The following SNTG1 variants were observed in gnomAD, a reference collection of about 807,000 sequenced individuals.
The protein encoded by SNTG1 is syntrophin gamma 1, also known as gamma-1-syntrophin.
A neutral mutation model predicts 74.7 loss-of-function variants in SNTG1; 39 were observed. The ratio of observed to expected loss-of-function variants is 0.52; its 90% CI spans 0.40 to 0.68. The LOEUF is 0.68. Ranked by LOEUF, SNTG1 falls within the 30% of genes least tolerant of loss-of-function variation. The pLI, the probability that SNTG1 is intolerant of heterozygous loss-of-function variation, is 0.00. For synonymous variants in SNTG1, 254 were observed against 217.1 expected (o/e 1.17, Z -1.49); for missense variants, 685 against 609.5 (o/e 1.12, Z -1.30).
At chr8:50,508,847 A>C (rs1217633745) in intron 9 of SNTG1, among the ~76,000 whole-genome samples, 17 of 150,748 alleles carry the variant, frequency 1.1e-4, no homozygotes, top group Non-Finnish European at 1.5e-5. Flanking sequence ...TAGATTGCAA[A>C]AATTTTCTCC....
intron 18 of SNTG1, 67 bp from the exon 19 acceptor site, chr8:50,792,600 AATCT>A: frequency 7.0e-7 from 1 of 1,437,130 alleles, no homozygotes; most frequent in Non-Finnish European, 9.4e-7. Context: ...ATTGAAAAAA[AATCT>A]AGCTATTATA....
intron 1 of SNTG1, among the ~76,000 whole-genome samples, chr8:50,148,606 T>C (rs2081955492): frequency 6.6e-6 from 1 of 152,188 alleles, no homozygotes; most frequent in Non-Finnish European, 1.5e-5. Flanking sequence ...TGTGTCCAAG[T>C]GTTCTCATTG....
At chr8:50,734,360 A>G (rs981010986) in intron 17 of SNTG1, among the ~76,000 whole-genome samples, 1 of 151,716 alleles carries the variant, frequency 6.6e-6, no homozygotes, top group African/African-American at 2.4e-5. Flanking sequence ...TATCTAGCAA[A>G]ATACTCAGTA....
Position 50,796,390 on chromosome 8 carries a change from T to C in SNTG1, c.*3561T>C, listed in dbSNP as rs899623550. 4 of 152,004 alleles carry C rather than the reference T, an allele frequency of 2.6e-5. No individual in the cohort carries two copies. Among genetic ancestry groups the C allele is most frequent in the Admixed American group, 6.6e-5 (1 of 15,232 alleles). 9.4% of individuals were successfully genotyped at this position (152,004 alleles called of 1,614,324 possible). A position where few individuals can be genotyped will look rare whatever the true frequency, so the allele number is the denominator to read the frequency against. On this transcript the variant is annotated 3_prime_UTR_variant, in exon 19 of 19. Coordinates refer to ENST00000642720, the MANE Select transcript of SNTG1 (RefSeq NM_018967.5). ...ATTGTTCTTTATTGTTTATTCTTAC[T>C]ACCGAATACTTTAAAATCATAATGC...
At chr8:50,324,974 CAG>C (rs1177075861) in intron 2 of SNTG1, among the ~76,000 whole-genome samples, 3 of 132,840 alleles carry the variant, frequency 2.3e-5, no homozygotes, top group African/African-American at 6.0e-5. Flanking sequence ...TATATATAGA[CAG>C]AGAGAGAGAG....
rs191339124 is a variant in SNTG1 at position 50,654,240 on chromosome 8, C to T, written c.850-2669C>T. On this transcript the variant is annotated intron_variant, in intron 13 of 18. Transcript: ENST00000642720. ...AAGTTTTGTATTTCTCAGTGTAACA[C>T]CTTTTTCTCTTATTCTCATATATGT... 1.5e-3 allele frequency among the ~76,000 whole-genome samples: 222 copies of T among 152,210 alleles called. 2 individuals are homozygous for T. Among genetic ancestry groups the T allele is most frequent in the Middle Eastern group, 0.01 (3 of 292 alleles).
At chr8:50,401,553 C>A (rs2092805586) in intron 3 of SNTG1, among the ~76,000 whole-genome samples, 1 of 152,170 alleles carries the variant, frequency 6.6e-6, no homozygotes. Context: ...TAGTTTATTT[C>A]ACCTTGTTAC....
At chr8:50,297,894 T>TA (rs1417768516) in intron 2 of SNTG1, among the ~76,000 whole-genome samples, 58 of 150,808 alleles carry the variant, frequency 3.8e-4, no homozygotes, top group Non-Finnish European at 3.6e-4. Flanking sequence ...TTTTTTTTTT[T>TA]ACAACAATTT....
intron 1 of SNTG1, among the ~76,000 whole-genome samples, chr8:50,072,075 A>G (rs1821419097): frequency 6.6e-6 from 1 of 152,156 alleles, no homozygotes. Flanking sequence ...TTGAAAGTCA[A>G]ATATCAGAAA....
intron 3 of SNTG1, among the ~76,000 whole-genome samples, chr8:50,395,491 A>G (rs944512222): frequency 7.2e-6 from 1 of 139,762 alleles, no homozygotes; most frequent in Admixed American, 7.6e-5. Flanking sequence ...TTTAAATTTT[A>G]ATTGTCTAAT....
At chr8:50,104,650 A>T (rs185250734) in intron 1 of SNTG1, among the ~76,000 whole-genome samples, 1 of 151,966 alleles carries the variant, frequency 6.6e-6, no homozygotes, top group East Asian at 1.9e-4. Flanking sequence ...TTTCATTGTG[A>T]TGTTACGGTG....
In SNTG1 at chr8:50,474,909, G is replaced by A. The variant is rs182361143; in HGVS notation, c.363+24180G>A. On this transcript the variant is annotated intron_variant, in intron 8 of 18. Transcript: ENST00000642720. ...ATACTATGCAGCCATAAAAAATGATGAGTCCATGTCCTTTGTAGGGATATG... is the reference window on the plus strand; with the variant it reads ...ATACTATGCAGCCATAAAAAATGATAAGTCCATGTCCTTTGTAGGGATATG... Among the ~76,000 whole-genome samples, 61 of 152,096 alleles carry A rather than the reference G, an allele frequency of 4.0e-4. 1 individual carries two copies. Among genetic ancestry groups the A allele is most frequent in the Non-Finnish European group, 7.4e-4 (50 of 67,990 alleles).
chr8:50,330,407 A>C (rs2090916559), intron 2 of SNTG1, among the ~76,000 whole-genome samples: 1 of 152,134 alleles, frequency 6.6e-6, no homozygotes. Flanking sequence ...GCATGAGAAC[A>C]GACTAATACA....
At chr8:50,379,823 C>G (rs929988169) in intron 2 of SNTG1, among the ~76,000 whole-genome samples, 5 of 152,374 alleles carry the variant, frequency 3.3e-5, no homozygotes, top group Non-Finnish European at 5.9e-5. Flanking sequence ...CATGTGTTAG[C>G]TGGTCACAGG....
chr8:49,988,947 T>C (rs114676613), intron 1 of SNTG1, among the ~76,000 whole-genome samples: 1,527 of 151,974 alleles, frequency 0.01, 24 homozygotes, highest in African/African-American at 0.035. Context: ...TAAATACAAC[T>C]GAAAGAGTTA....
chr8:50,202,055 T>C (rs936302632), intron 2 of SNTG1, among the ~76,000 whole-genome samples: 2 of 152,168 alleles, frequency 1.3e-5, no homozygotes, highest in African/African-American at 2.4e-5. Context: ...TTTAGCCTTA[T>C]AGACAATCCT....
intron 2 of SNTG1, among the ~76,000 whole-genome samples, chr8:50,260,216 C>T (rs1048048026): frequency 5.3e-5 from 8 of 152,178 alleles, no homozygotes; most frequent in Non-Finnish European, 1.0e-4. Flanking sequence ...ACTTCAGCCT[C>T]TCTCTAGATT....
intron 2 of SNTG1, among the ~76,000 whole-genome samples, chr8:50,278,746 A>G (rs2088262213): frequency 6.6e-6 from 1 of 152,128 alleles, no homozygotes; most frequent in South Asian, 2.1e-4. Flanking sequence ...AATTGAATCA[A>G]GTACAGTTAC....
At chr8:50,303,506 C>T (rs78258507) in intron 2 of SNTG1, among the ~76,000 whole-genome samples, 10,545 of 151,742 alleles carry the variant, frequency 0.069, 409 homozygotes, top group African/African-American at 0.086. Flanking sequence ...AATTATTTTG[C>T]ATTGGAATAC....
Sources: allele counts gnomAD v4.1 joint callset (sites outside exome capture counted in the v4.1 genomes callset), GRCh38; gene constraint gnomAD v4.1.1; transcripts MANE v1.5; gene names NCBI Gene and HGNC (gene_info 2026-07-23, HGNC 2026-07-21).